TTF2: variants seen among roughly 807,000 people sequenced by gnomAD.
The protein encoded by TTF2 is transcription termination factor 2, also known as RNA polymerase II termination factor.
A neutral mutation model predicts 142.4 loss-of-function variants in TTF2; 108 were observed. The observed-to-expected ratio is 0.76, with a 90% confidence interval of 0.65 to 0.89. The LOEUF is 0.89. TTF2 is among the 40% of genes least tolerant of loss of function. TTF2 has a pLI of 0.00. For missense variants in TTF2, 1,327 were observed against 1,379.8 expected, an observed-to-expected ratio of 0.96 and a Z score of 0.61; for synonymous variants, 483 against 506.2, an observed-to-expected ratio of 0.95 and a Z score of 0.61.
At position 117,064,100 on chromosome 1, in the gene TTF2, A is replaced by G. The variant is rs544822739; in HGVS notation, c.218+1627A>G. Among the ~76,000 whole-genome samples the G allele has an allele frequency of 3.3e-5, 5 of 152,322 alleles. No homozygotes were observed. In the South Asian group the frequency reaches 1.0e-3, roughly 32 times the overall value. ...ACAATTGTTACATAAGTGGAATCAT[A>G]AAGTATAACTTTGGAGATCTTTGCC... On this transcript the variant is annotated intron_variant, in intron 3 of 22. Transcript: ENST00000369466.
chr1:117,075,328 A>G lies in TTF2; in HGVS notation c.744A>G (p.Gln248=), dbSNP rs771553635. ...CAAGTGGTAAGAGTCAAGATGTCCA[A>G]AGAGAATCAGAACCTCTGAGAGAAA... ...EKSSGKSQDV[Q]RESEPLREKV... is the part of the protein sequence containing the mutation. Residue 248 remains glutamine (Q), a synonymous_variant, in exon 5 of 23, where the codon CAA becomes CAG. Coordinates refer to ENST00000369466, the MANE Select transcript of TTF2 (RefSeq NM_003594.4). This position sits in a 1 kb window ranked among gnomAD's most constrained non-coding sequence, Gnocchi z 4.5. 1 of 1,614,192 alleles carries G rather than the reference A, an allele frequency of 6.2e-7. No individual in the cohort carries two copies. The highest frequency in any genetic ancestry group is 8.5e-7 in the Non-Finnish European group (1 of 1,180,028).
rs1647297099 is a variant in TTF2, at chr1:117,079,495, G to A, written c.1702-73G>A. On this transcript the variant is annotated intron_variant, in intron 8 of 22. Coordinates refer to ENST00000369466, the MANE Select transcript of TTF2 (RefSeq NM_003594.4). The surrounding 1 kb of genome is among the most constrained non-coding windows in gnomAD (Gnocchi z 4.2). Reference sequence around the variant, plus strand: ...TTTGTAGAAAATAGGAGAGTGTAGAGTTCGTGTAGCCAGGCTCGGCATAGC... The same window carrying A: ...TTTGTAGAAAATAGGAGAGTGTAGAATTCGTGTAGCCAGGCTCGGCATAGC... The A allele has an allele frequency of 3.6e-6, 5 of 1,394,304 alleles. No homozygotes were observed. The highest frequency in any genetic ancestry group is 1.8e-4 in the Middle Eastern group (1 of 5,644). The allele number at this position is 1,394,304 out of a possible 1,614,324, so 86.4% of individuals were successfully genotyped here.
chr1:117,074,457 T>C (rs1656825194), intron 4 of TTF2, among the ~76,000 whole-genome samples: 1 of 152,108 alleles, frequency 6.6e-6, no homozygotes. Context: ...AATGAGTCCT[T>C]TGTGGGTTTG....
Position 117,093,048 on chromosome 1 carries a change from C to T in TTF2, c.2976+147C>T. The T allele has an allele frequency of 1.1e-6, 1 of 893,224 alleles. No homozygotes were observed. Among genetic ancestry groups the T allele is most frequent in the South Asian group, 1.7e-5 (1 of 58,160 alleles). The allele number at this position is 893,224 out of a possible 1,614,324, so 55.3% of individuals were successfully genotyped here. On this transcript the variant is annotated intron_variant, in intron 18 of 22. Transcript: ENST00000369466. The surrounding 1 kb of genome is among the most constrained non-coding windows in gnomAD (Gnocchi z 4.5). ...ATTCTAGCTGATCAGATTCTCCCTC[C>T]AGTCTTAAAGCTTCATTTATTTCAC... is the stretch of plus-strand genomic sequence containing the variant.
chr1:117,079,459 T>C lies in TTF2; in HGVS notation c.1702-109T>C, dbSNP rs1647294302. The C allele has an allele frequency of 9.9e-7, 1 of 1,008,498 alleles. No individual in the cohort carries two copies. The highest frequency in any genetic ancestry group is 1.4e-5 in the South Asian group (1 of 71,258). The allele number at this position is 1,008,498 out of a possible 1,614,324, so 62.5% of individuals were successfully genotyped here. On this transcript the variant is annotated intron_variant, in intron 8 of 22. Transcript: ENST00000369466. This position sits in a 1 kb window ranked among gnomAD's most constrained non-coding sequence, Gnocchi z 4.2. Reference sequence around the variant, plus strand: ...GTGAAATGAACTGTCTACAGAATACTGAGGGAATCATTTGTAGAAAATAGG... The same window carrying C: ...GTGAAATGAACTGTCTACAGAATACCGAGGGAATCATTTGTAGAAAATAGG...
rs1403676075 is a variant in TTF2 at position 117,075,864 on chromosome 1, C to T, written c.1275+5C>T. On this transcript the variant is annotated splice_donor_5th_base_variant and intron_variant, in intron 5 of 22. Transcript: ENST00000369466. The surrounding 1 kb of genome is among the most constrained non-coding windows in gnomAD (Gnocchi z 4.5). ...ACACAACTGAAACAAAAGAAGGTAA[C>T]TATTGACTCGTGTTTTGTTTCTGAG... The T allele has an allele frequency of 6.3e-7, 1 of 1,595,116 alleles. No homozygotes were observed. Among genetic ancestry groups the T allele is most frequent in the South Asian group, 1.1e-5 (1 of 87,976 alleles).
Position 117,098,866 on chromosome 1 carries a change from A to T in TTF2, c.3303A>T (p.Arg1101=), listed in dbSNP as rs148067611. Residue 1101 remains arginine (R), a synonymous_variant, in exon 22 of 23, where the codon CGA becomes CGT. Coordinates refer to ENST00000369466, the MANE Select transcript of TTF2 (RefSeq NM_003594.4). ...NPSLEDQACD[R]IYRVGQQKDV... ...CACTTGAAGATCAAGCTTGTGACCG[A>T]ATTTACCGAGTAGGGCAGCAGAAAG... The T allele has an allele frequency of 1.9e-6, 3 of 1,612,368 alleles. No individual in the cohort carries two copies. In the South Asian group the frequency reaches 3.3e-5, roughly 18 times the overall value.
In TTF2 at chr1:117,090,028, C is replaced by A; in HGVS notation, c.2343-27C>A. 1 of 1,608,034 alleles carries A rather than the reference C, an allele frequency of 6.2e-7. No homozygotes were observed. Among genetic ancestry groups the A allele is most frequent in the South Asian group, 1.1e-5 (1 of 90,034 alleles). ...TCTCCCTGACTTTTCCTTCCCTACT[C>A]TGTGCCCTTCTTCCTCAACAAAAAA... On this transcript the variant is annotated intron_variant, in intron 13 of 22. Transcript: ENST00000369466. The surrounding 1 kb of genome is among the most constrained non-coding windows in gnomAD (Gnocchi z 4.8).
At chr1:117,067,857 G>A (rs910151048) in intron 3 of TTF2, among the ~76,000 whole-genome samples, 3 of 152,230 alleles carry the variant, frequency 2.0e-5, no homozygotes, top group African/African-American at 7.2e-5. Context: ...TCAGGAGACA[G>A]GTGCAACAGA....
In TTF2 at chr1:117,083,833, G is replaced by A. The variant is rs367812751; in HGVS notation, c.1904-185G>A. On this transcript the variant is annotated intron_variant, in intron 10 of 22. Coordinates refer to ENST00000369466, the MANE Select transcript of TTF2 (RefSeq NM_003594.4). ...AGGTAATGCCTTTAAGTTAAAGGCC[G>A]GTCAAACACGATGACTCACACCTGT... Among the ~76,000 whole-genome samples the A allele has an allele frequency of 8.1e-4, 123 of 152,136 alleles. 1 individual carries two copies. Among genetic ancestry groups the A allele is most frequent in the African/African-American group, 2.8e-3 (116 of 41,422 alleles).
At chr1:117,089,082 C>T in intron 13 of TTF2, 100 bp downstream of exon 13, 1 of 1,296,468 alleles carries the variant, frequency 7.7e-7, no homozygotes, top group Non-Finnish European at 1.0e-6. Flanking sequence ...GCCAGATTAT[C>T]TTGTTTAGGA....
At chr1:117,082,883 T>C (rs1309193469) in intron 10 of TTF2, among the ~76,000 whole-genome samples, 1 of 152,140 alleles carries the variant, frequency 6.6e-6, no homozygotes, top group East Asian at 1.9e-4. Context: ...GAATATGTTA[T>C]GTATAGACAA....
Position 117,101,615 on chromosome 1 carries a change from TC to T in TTF2, c.*92del, listed in dbSNP as rs1350689604. On this transcript the variant is annotated 3_prime_UTR_variant, in exon 23 of 23. Transcript: ENST00000369466. This position sits in a 1 kb window ranked among gnomAD's most constrained non-coding sequence, Gnocchi z 5.9. ...CCTAACCATGAGCCTTGAACTCTGTTCTTTGCATTTCAATTTCACCGTCAAG... is the reference window on the plus strand; with the variant it reads ...CCTAACCATGAGCCTTGAACTCTGTTTTTGCATTTCAATTTCACCGTCAAG... 7.6e-7 allele frequency: 1 copy of T among 1,313,850 alleles called. No individual in the cohort carries two copies. Among genetic ancestry groups the T allele is most frequent in the African/African-American group, 1.5e-5 (1 of 66,772 alleles). 81.4% of individuals were successfully genotyped at this position (1,313,850 alleles called of 1,614,324 possible).
intron 2 of TTF2, among the ~76,000 whole-genome samples, chr1:117,061,965 G>A (rs1411757321): frequency 6.6e-6 from 1 of 152,134 alleles, no homozygotes; most frequent in Non-Finnish European, 1.5e-5. Flanking sequence ...AAAACAAGAA[G>A]CATATAGGGC....
chr1:117,066,076 A>G (rs113255565), intron 3 of TTF2, among the ~76,000 whole-genome samples: 1 of 145,670 alleles, frequency 6.9e-6, no homozygotes, highest in African/African-American at 2.6e-5. Flanking sequence ...GGCTCAAGCA[A>G]TCCTCCTACC....
At chr1:117,071,962 C>T (rs1040175681) in intron 3 of TTF2, among the ~76,000 whole-genome samples, 2 of 152,000 alleles carry the variant, frequency 1.3e-5, no homozygotes, top group East Asian at 3.9e-4. Flanking sequence ...CAAGCAGGTA[C>T]GACTTAAGAT....
Position 117,100,042 on chromosome 1 carries a change from C to G in TTF2, c.3344+1135C>G, listed in dbSNP as rs149695364. 1.3e-4 allele frequency among the ~76,000 whole-genome samples: 20 copies of G among 152,344 alleles called. No individual in the cohort carries two copies. The highest frequency in any genetic ancestry group is 2.8e-4 in the Non-Finnish European group (19 of 68,026). On this transcript the variant is annotated intron_variant, in intron 22 of 22. Coordinates refer to ENST00000369466, the MANE Select transcript of TTF2 (RefSeq NM_003594.4). This position sits in a 1 kb window ranked among gnomAD's most constrained non-coding sequence, Gnocchi z 4.6. ...ATATCTGAATCCGAGTGTCCACATA[C>G]TCATCTGTTATTCCTTCTTTTATTC...
In TTF2 at chr1:117,101,889, C is replaced by T. The variant is rs1163653736; in HGVS notation, c.*365C>T. On this transcript the variant is annotated 3_prime_UTR_variant, in exon 23 of 23. Coordinates refer to ENST00000369466, the MANE Select transcript of TTF2 (RefSeq NM_003594.4). This position sits in a 1 kb window ranked among gnomAD's most constrained non-coding sequence, Gnocchi z 5.9. ...AGGTGTGGTGGCTCATGCCTGTAAT[C>T]CCGACACTTTGGGAGGCCAAGGCAG... 6.2e-6 allele frequency: 1 copy of T among 161,010 alleles called. No homozygotes were observed. The highest frequency in any genetic ancestry group is 1.3e-5 in the Non-Finnish European group (1 of 74,098). 10.0% of individuals were successfully genotyped at this position (161,010 alleles called of 1,614,324 possible). A position where few individuals can be genotyped will look rare whatever the true frequency, so the allele number is the denominator to read the frequency against.
At chr1:117,077,655 G>A (rs906412213) in intron 7 of TTF2, among the ~76,000 whole-genome samples, 1 of 152,166 alleles carries the variant, frequency 6.6e-6, no homozygotes, top group Admixed American at 6.5e-5. Flanking sequence ...TCCAAGTGGA[G>A]CCTGAAATGT....
Sources: allele counts gnomAD v4.1 joint callset (sites outside exome capture counted in the v4.1 genomes callset), GRCh38; gene constraint gnomAD v4.1.1; non-coding constraint Gnocchi (gnomAD v3.1); transcripts MANE v1.5; gene names NCBI Gene and HGNC (gene_info 2026-07-23, HGNC 2026-07-21).